The following SMC1A variants were observed in gnomAD, a reference collection of about 807,000 sequenced individuals.
SMC1A encodes the protein structural maintenance of chromosomes protein 1A.
Under a neutral mutation model 94.5 loss-of-function variants are expected in SMC1A, and 4 were observed. That is an observed-to-expected ratio of 0.04 (90% CI 0.02 to 0.10). The LOEUF (loss-of-function observed/expected upper bound fraction) is 0.10, where lower values mean the gene tolerates loss of function less well. Ranked by LOEUF, SMC1A falls within the 10% of genes least tolerant of loss-of-function variation. SMC1A has a pLI of 1.00. For missense variants in SMC1A, 304 were observed against 989.0 expected, an observed-to-expected ratio of 0.31 and a Z score of 9.29; for synonymous variants, 345 against 347.7, an observed-to-expected ratio of 0.99 and a Z score of 0.09.
chrX:53,394,397 GATGA>G (rs781797203), intron 19 of SMC1A, among the ~76,000 whole-genome samples: 1 of 110,146 alleles, frequency 9.1e-6, no homozygotes, highest in South Asian at 3.9e-4. Context: ...TGATATCCAG[GATGA>G]AAGAATGCCA....
intron 18 of SMC1A, among the ~76,000 whole-genome samples, chrX:53,395,464 TG>T (rs1174829076): frequency 8.9e-6 from 1 of 112,655 alleles, no homozygotes; most frequent in East Asian, 2.8e-4. Context: ...GGATAATGCC[TG>T]TCTGGCAGGT....
At position 53,412,168 on chromosome X, in the gene SMC1A, C is replaced by T. The variant is rs2075715405; in HGVS notation, c.940G>A (p.Ala314Thr). 8.3e-7 allele frequency: 1 copy of T among 1,209,750 alleles called. No homozygotes were observed. The highest frequency in any genetic ancestry group is 1.7e-5 in the African/African-American group (1 of 57,187). ...NTSHKIKKLE[A>T]AKKSLQNAQK... The stretch of plus-strand genomic sequence containing the variant: ...GCATTCTGCAGAGACTTCTTGGCTG[C>T]TTCCAGCTTCTTGATTTTGTGGGAG... Residue 314 changes from alanine (A) to threonine (T), a missense_variant, in exon 6 of 25, where the codon GCA (alanine) becomes ACA (threonine). By Grantham distance (58) the Ala-to-Thr change is moderately conservative (BLOSUM62 0). Transcript: ENST00000322213.
In SMC1A at chrX:53,382,671, G is replaced by T; in HGVS notation, c.3131-11C>A. The T allele has an allele frequency of 8.3e-7, 1 of 1,211,151 alleles. No homozygotes were observed. Among genetic ancestry groups the T allele is most frequent in the Non-Finnish European group, 1.1e-6 (1 of 895,376 alleles). ...GGGCTGCTTCAAACTCTGCCAGAAA[G>T]AAAGACAGGAGACCCCTCAGTGCCC... On this transcript the variant is annotated splice_polypyrimidine_tract_variant and intron_variant, in intron 20 of 24. Coordinates refer to ENST00000322213, the MANE Select transcript of SMC1A (RefSeq NM_006306.4).
chrX:53,396,940 C>A (rs2075653452), intron 16 of SMC1A, among the ~76,000 whole-genome samples: 1 of 112,207 alleles, frequency 8.9e-6, no homozygotes, highest in African/African-American at 3.2e-5. Context: ...GATTTACAGA[C>A]AGTTTTACAT....
intron 22 of SMC1A, chrX:53,382,006 T>A (rs2075585192): frequency 2.2e-6 from 1 of 446,375 alleles, no homozygotes; most frequent in African/African-American, 2.5e-5. Context: ...CGGAACTAAA[T>A]ACATGCAGAG....
intron 1 of SMC1A, among the ~76,000 whole-genome samples, chrX:53,420,379 C>T (rs988804634): frequency 2.0e-4 from 22 of 109,767 alleles, no homozygotes; most frequent in African/African-American, 7.3e-4. Context: ...CAAGAACTAG[C>T]CAGATGGGGT....
At chrX:53,410,223 G>A (rs958132693) in intron 7 of SMC1A, among the ~76,000 whole-genome samples, 42 of 111,694 alleles carry the variant, frequency 3.8e-4, no homozygotes, top group African/African-American at 1.4e-3. Flanking sequence ...GGCCGGGCAC[G>A]GTGGCTCGCG....
At chrX:53,389,392 AGT>A (rs1421707135) in intron 19 of SMC1A, among the ~76,000 whole-genome samples, 1 of 111,369 alleles carries the variant, frequency 9.0e-6, no homozygotes, top group Non-Finnish European at 1.9e-5. Context: ...TAAGCTGTAG[AGT>A]GTGTGTTTGC....
At position 53,383,079 on chromosome X, in the gene SMC1A, T is replaced by A. The variant is rs1423128007; in HGVS notation, c.3130+18A>T. ...CTCTTGTCCTCATCGTAGGCCCAAG[T>A]AGAAGGGTAAATCTTACCATCTGAG... On this transcript the variant is annotated intron_variant, in intron 20 of 24. Transcript: ENST00000322213. 6 of 1,203,182 alleles carry A rather than the reference T, an allele frequency of 5.0e-6. No individual in the cohort carries two copies. The highest frequency in any genetic ancestry group is 6.7e-6 in the Non-Finnish European group (6 of 890,564).
At chrX:53,414,689 G>T in intron 3 of SMC1A, 69 bp downstream of exon 3, 1 of 668,391 alleles carries the variant, frequency 1.5e-6, no homozygotes, top group Non-Finnish European at 2.5e-6. Context: ...CTGAGATGGA[G>T]CAGACAGAGT....
chrX:53,421,867 A>T, intron 1 of SMC1A: 1 of 1,099,508 alleles, frequency 9.1e-7, no homozygotes, highest in Non-Finnish European at 1.2e-6. Context: ...TTTCGGTGGT[A>T]GGAAAAGGGC....
At chrX:53,408,953 C>T in intron 9 of SMC1A, 109 bp downstream of exon 9, 2 of 753,380 alleles carry the variant, frequency 2.7e-6, no homozygotes, top group Non-Finnish European at 4.0e-6. Flanking sequence ...GCCTCATTTC[C>T]CCCAACAATA....
intron 19 of SMC1A, among the ~76,000 whole-genome samples, chrX:53,388,869 C>T (rs924980910): frequency 2.3e-4 from 25 of 106,973 alleles, no homozygotes; most frequent in African/African-American, 7.2e-4. Flanking sequence ...TGGTGGCGGG[C>T]GCCTGTAGTC....
intron 1 of SMC1A, chrX:53,421,809 T>C: frequency 2.0e-6 from 2 of 1,004,672 alleles, no homozygotes; most frequent in Non-Finnish European, 2.7e-6. Context: ...TGATAAACAA[T>C]AAGCATTCAA....
intron 19 of SMC1A, among the ~76,000 whole-genome samples, chrX:53,391,305 G>C (rs1175960189): frequency 9.1e-6 from 1 of 109,451 alleles, no homozygotes; most frequent in Non-Finnish European, 1.9e-5. Flanking sequence ...GACAGAGTGA[G>C]ACTCCGTCTC....
rs374473076 is a variant in SMC1A, at chrX:53,396,207, C to T, written c.2862+20G>A. 3.4e-5 allele frequency: 41 copies of T among 1,206,020 alleles called. No homozygotes were observed. In the African/African-American group the frequency reaches 6.9e-4, roughly 20 times the overall value. Reference sequence around the variant, plus strand: ...TAATGATGTTCATCGCCCACTCCCACCACCAGCCACAATACTCACCTCTTC... The same window carrying T: ...TAATGATGTTCATCGCCCACTCCCATCACCAGCCACAATACTCACCTCTTC... On this transcript the variant is annotated intron_variant, in intron 18 of 24. Transcript: ENST00000322213.
chrX:53,384,103 A>C (rs1556886232), intron 19 of SMC1A, among the ~76,000 whole-genome samples: 1 of 110,555 alleles, frequency 9.0e-6, no homozygotes, highest in East Asian at 2.8e-4. Flanking sequence ...AAGTAGAGGG[A>C]GGGATCCCAC....
chrX:53,414,735 C>T, intron 3 of SMC1A, 23 bp downstream of exon 3: 3 of 1,043,966 alleles, frequency 2.9e-6, no homozygotes, highest in Non-Finnish European at 4.0e-6. Flanking sequence ...ACCAGATAGC[C>T]AATAACTGTT....
chrX:53,403,171 CAAAAAAAAAAAA>C (rs59213412), intron 15 of SMC1A, among the ~76,000 whole-genome samples: 2 of 30,038 alleles, frequency 6.7e-5, no homozygotes, highest in East Asian at 2.8e-3. Context: ...GATCCTGTGT[CAAAAAAAAAAAA>C]AAAAAAAAAA....
Sources: gnomAD v4.1 joint callset for allele counts (sites outside exome capture counted in the v4.1 genomes callset) on GRCh38, gnomAD v4.1.1 for gene constraint, MANE v1.5 for transcripts, NCBI Gene and HGNC (gene_info 2026-07-23, HGNC 2026-07-21) for gene names.